ANKS1B: variants seen among roughly 807,000 people sequenced by gnomAD.
ANKS1B encodes the protein ankyrin repeat and sterile alpha motif domain containing 1B, also known as ankyrin repeat and sterile alpha motif domain-containing protein 1B.
Under a neutral mutation model 148.3 loss-of-function variants are expected in ANKS1B, and 36 were observed. The ratio of observed to expected loss-of-function variants is 0.24; its 90% CI spans 0.19 to 0.32. ANKS1B has a LOEUF of 0.32. Ranked by LOEUF, ANKS1B falls within the 10% of genes least tolerant of loss-of-function variation. The pLI is 1.00. For synonymous variants in ANKS1B, 542 were observed against 560.8 expected, an observed-to-expected ratio of 0.97 and a Z score of 0.47; for missense variants, 1,157 against 1,542.6, an observed-to-expected ratio of 0.75 and a Z score of 4.19.
chr12:99,049,076 T>A (rs1384298486), intron 17 of ANKS1B: 6 of 152,240 alleles, frequency 3.9e-5, no homozygotes, highest in Non-Finnish European at 8.8e-5. Flanking sequence ...TTAAAGTTGT[T>A]AATATTTGAA....
At chr12:98,798,489 A>T (rs1353523280) in intron 22 of ANKS1B, among the ~76,000 whole-genome samples, 1 of 149,400 alleles carries the variant, frequency 6.7e-6, no homozygotes, top group Non-Finnish European at 1.5e-5. Flanking sequence ...AATTTAAAAA[A>T]ATAAAAAAAA....
intron 12 of ANKS1B, among the ~76,000 whole-genome samples, chr12:99,324,045 A>G (rs1361625194): frequency 1.3e-5 from 2 of 152,194 alleles, no homozygotes; most frequent in African/African-American, 2.4e-5. Flanking sequence ...AAATTAAACT[A>G]GTGCTCTTAA....
At chr12:99,624,197 G>A (rs1402941413) in intron 9 of ANKS1B, among the ~76,000 whole-genome samples, 3 of 152,084 alleles carry the variant, frequency 2.0e-5, no homozygotes, top group Admixed American at 6.6e-5. Context: ...AAATTGGCTA[G>A]CCATGTGCAA....
rs147636873 is a variant in ANKS1B, at chr12:99,842,935, C to T, written c.135-17546G>A. On this transcript the variant is annotated intron_variant, in intron 1 of 26. Transcript: ENST00000683438. ...AACTATTTAGTTCGTCTACTTCATTCGCAAATTTTTGGAAATGTTACCATA... is the reference window on the plus strand; with the variant it reads ...AACTATTTAGTTCGTCTACTTCATTTGCAAATTTTTGGAAATGTTACCATA... Among the ~76,000 whole-genome samples the T allele has an allele frequency of 3.9e-4, 59 of 152,192 alleles. No individual in the cohort carries two copies. In the East Asian group the frequency reaches 8.1e-3, roughly 21 times the overall value.
intron 9 of ANKS1B, among the ~76,000 whole-genome samples, chr12:99,524,717 C>T (rs908589695): frequency 6.6e-6 from 1 of 152,126 alleles, no homozygotes; most frequent in African/African-American, 2.4e-5. Flanking sequence ...GAGCAAGGGA[C>T]GTCTTACATG....
chr12:99,435,607 T>G (rs931711468), intron 11 of ANKS1B, among the ~76,000 whole-genome samples: 2 of 152,016 alleles, frequency 1.3e-5, no homozygotes, highest in Non-Finnish European at 2.9e-5. Context: ...CTGGTTTGAG[T>G]CTGACTACAC....
At chr12:99,581,038 A>G (rs1211324393) in intron 9 of ANKS1B, among the ~76,000 whole-genome samples, 1 of 152,198 alleles carries the variant, frequency 6.6e-6, no homozygotes, top group East Asian at 1.9e-4. Context: ...ATTTCTATAT[A>G]TTATAGAAAT....
intron 22 of ANKS1B, among the ~76,000 whole-genome samples, chr12:98,784,571 A>G (rs185483094): frequency 2.8e-4 from 43 of 152,306 alleles, no homozygotes; most frequent in Admixed American, 2.5e-3. Context: ...TTTCATTAAG[A>G]GTAGCTTCAA....
intron 15 of ANKS1B, among the ~76,000 whole-genome samples, chr12:99,126,043 G>A (rs1195562400): frequency 1.3e-5 from 2 of 152,072 alleles, no homozygotes; most frequent in Non-Finnish European, 2.9e-5. Flanking sequence ...CCAAAACACA[G>A]AGTTCTTGGT....
intron 4 of ANKS1B, among the ~76,000 whole-genome samples, chr12:99,791,990 T>C (rs895621841): frequency 2.0e-5 from 3 of 151,276 alleles, no homozygotes; most frequent in South Asian, 2.1e-4. Context: ...AAAAACACAA[T>C]TGACAAACCT....
chr12:99,273,575 T>TA (rs2077302310), intron 12 of ANKS1B, among the ~76,000 whole-genome samples: 2 of 63,596 alleles, frequency 3.1e-5, no homozygotes, highest in African/African-American at 4.2e-4. Context: ...TTTTTTGCGA[T>TA]TTTTTTTTTT....
intron 1 of ANKS1B, among the ~76,000 whole-genome samples, chr12:99,948,673 T>C (rs1026662315): frequency 1.3e-5 from 2 of 152,158 alleles, no homozygotes; most frequent in African/African-American, 4.8e-5. Context: ...ATCAAGTCAC[T>C]CTATTCTCCT....
At chr12:98,987,104 G>A (rs1017105625) in intron 17 of ANKS1B, among the ~76,000 whole-genome samples, 6 of 151,428 alleles carry the variant, frequency 4.0e-5, no homozygotes, top group African/African-American at 9.7e-5. Context: ...AGTAGAATGC[G>A]ATTTAAATAG....
At chr12:99,573,733 T>C (rs910558855) in intron 9 of ANKS1B, among the ~76,000 whole-genome samples, 4 of 151,686 alleles carry the variant, frequency 2.6e-5, no homozygotes, top group Non-Finnish European at 5.9e-5. Flanking sequence ...AGAAAAAAAA[T>C]CCTCACTCTT....
chr12:98,994,487 C>T (rs2099928403), intron 17 of ANKS1B, among the ~76,000 whole-genome samples: 1 of 152,078 alleles, frequency 6.6e-6, no homozygotes, highest in Non-Finnish European at 1.5e-5. Context: ...CATGGTGGTG[C>T]GTGCCTGTAA....
At chr12:99,356,701 C>G (rs1234623432) in intron 12 of ANKS1B, among the ~76,000 whole-genome samples, 1 of 152,144 alleles carries the variant, frequency 6.6e-6, no homozygotes, top group Non-Finnish European at 1.5e-5. Context: ...TATCTTCCAG[C>G]AGATTGATGC....
chr12:99,128,103 A>C (rs2064953572), intron 15 of ANKS1B, among the ~76,000 whole-genome samples: 1 of 152,222 alleles, frequency 6.6e-6, no homozygotes, highest in Non-Finnish European at 1.5e-5. Context: ...TCGTTTCAAG[A>C]AAGTTTATTG....
chr12:99,122,995 A>T (rs71440826), intron 15 of ANKS1B, among the ~76,000 whole-genome samples: 91,025 of 140,336 alleles, frequency 0.65, 29,858 homozygotes, highest in East Asian at 0.8. Context: ...AATTAAAAAA[A>T]AAATATATAT....
chr12:99,097,371 T>A (rs1451901094), intron 15 of ANKS1B: 1 of 152,170 alleles, frequency 6.6e-6, no homozygotes, highest in Admixed American at 6.5e-5. Flanking sequence ...GGACTGTCAG[T>A]TGAGACATCT....
Sources: gnomAD v4.1 joint callset for allele counts (sites outside exome capture counted in the v4.1 genomes callset) on GRCh38, gnomAD v4.1.1 for gene constraint, MANE v1.5 for transcripts, NCBI Gene and HGNC (gene_info 2026-07-23, HGNC 2026-07-21) for gene names.